WDR76: variants seen among roughly 807,000 people sequenced by gnomAD.
The protein encoded by WDR76 is WD repeat domain 76.
A neutral mutation model predicts 70.2 loss-of-function variants in WDR76; 52 were observed. The observed-to-expected ratio is 0.74, with a 90% CI of 0.59 to 0.93. WDR76 has a LOEUF of 0.93. Ranked by LOEUF, WDR76 falls within the 40% of genes least tolerant of loss-of-function variation. WDR76 has a pLI of 0.00. For missense variants in WDR76, 756 were observed against 760.2 expected (o/e 0.99, Z 0.07); for synonymous variants, 292 against 271.1 (o/e 1.08, Z -0.76).
chr15:43,829,212 C>A (rs1299766207), intron 2 of WDR76, among the ~76,000 whole-genome samples: 1 of 151,796 alleles, frequency 6.6e-6, no homozygotes, highest in Non-Finnish European at 1.5e-5. Context: ...GTCTGTAATT[C>A]TTTTGGCTTC....
intron 2 of WDR76, among the ~76,000 whole-genome samples, chr15:43,829,911 A>G (rs2087565855): frequency 1.3e-5 from 2 of 152,006 alleles, no homozygotes; most frequent in South Asian, 4.1e-4. Flanking sequence ...AATTACATGG[A>G]GAGTTTGTTA....
chr15:43,838,208 C>G (rs1267938247), intron 4 of WDR76, among the ~76,000 whole-genome samples: 2 of 147,036 alleles, frequency 1.4e-5, no homozygotes, highest in African/African-American at 5.0e-5. Context: ...TTTTTTGAGA[C>G]AGAGTCTTGC....
chr15:43,829,825 A>G (rs560180609), intron 2 of WDR76, among the ~76,000 whole-genome samples: 1 of 151,918 alleles, frequency 6.6e-6, no homozygotes, highest in African/African-American at 2.4e-5. Flanking sequence ...TACTTCTAAG[A>G]AACCTTGTTC....
At chr15:43,836,302 C>A in intron 4 of WDR76, 86 bp downstream of exon 4, 1 of 1,247,440 alleles carries the variant, frequency 8.0e-7, no homozygotes, top group Non-Finnish European at 1.1e-6. Flanking sequence ...GTGTGGTAAG[C>A]TTAACAGATC....
At chr15:43,831,444 A>C (rs1596065600) in intron 2 of WDR76, among the ~76,000 whole-genome samples, 1 of 149,688 alleles carries the variant, frequency 6.7e-6, no homozygotes, top group Non-Finnish European at 1.5e-5. Context: ...CAGCCAAGAT[A>C]CTTTTTTTTT....
rs2088090509 is a variant in WDR76, at chr15:43,867,611, A to G, written c.*1219A>G. 6.6e-6 allele frequency: 1 copy of G among 151,658 alleles called. No homozygotes were observed. Among genetic ancestry groups the G allele is most frequent in the African/African-American group, 2.4e-5 (1 of 41,310 alleles). 9.4% of individuals were successfully genotyped at this position (151,658 alleles called of 1,614,324 possible). ...TAGTACCATGGGTAATGGATAAAGA[A>G]GTTAAAGCTACTGCTTAGAATGAAG... is the stretch of plus-strand genomic sequence containing the variant. On this transcript the variant is annotated 3_prime_UTR_variant, in exon 13 of 13. Transcript: ENST00000263795.
In WDR76 at chr15:43,861,402, C is replaced by A. The variant is rs763460026; in HGVS notation, c.1616+16C>A. On this transcript the variant is annotated intron_variant, in intron 12 of 12. Coordinates refer to ENST00000263795, the MANE Select transcript of WDR76 (RefSeq NM_024908.4). ...CCACCATCAGGTAGGCTTCTATATG[C>A]CAAATAATGTAGATGTGGATTACTA... The A allele has an allele frequency of 1.2e-6, 2 of 1,605,028 alleles. No homozygotes were observed. The highest frequency in any genetic ancestry group is 4.5e-5 in the East Asian group (2 of 44,816).
At position 43,828,377 on chromosome 15, in the gene WDR76, A is replaced by G; in HGVS notation, c.462+11A>G. Reference sequence around the variant, plus strand: ...ACCACACCATCCCTGGTAAGAACTTAATTAGTAGCTTGTTCTGGTTTCTCT... The same window carrying G: ...ACCACACCATCCCTGGTAAGAACTTGATTAGTAGCTTGTTCTGGTTTCTCT... On this transcript the variant is annotated intron_variant, in intron 2 of 12. Coordinates refer to ENST00000263795, the MANE Select transcript of WDR76 (RefSeq NM_024908.4). 1 of 1,574,644 alleles carries G rather than the reference A, an allele frequency of 6.4e-7. No individual in the cohort carries two copies. The highest frequency in any genetic ancestry group is 8.6e-7 in the Non-Finnish European group (1 of 1,164,160).
chr15:43,829,867 A>C (rs1454583448), intron 2 of WDR76, among the ~76,000 whole-genome samples: 1 of 152,054 alleles, frequency 6.6e-6, no homozygotes, highest in African/African-American at 2.4e-5. Flanking sequence ...GGATTGGATA[A>C]AATCTGTGGT....
In WDR76 at chr15:43,827,040, G is replaced by A. The variant is rs778522225; in HGVS notation, c.8G>A (p.Arg3Lys). MS[R>K]SGAAAEKADS... ...CCGCTAAGAAGCCGAAAGATGTCCA[G>A]GTCGGGCGCGGCGGCTGAGAAGGCG... Residue 3 changes from arginine to lysine, a missense_variant, in exon 1 of 13, where the codon AGG becomes AAG. Coordinates refer to ENST00000263795, the MANE Select transcript of WDR76 (RefSeq NM_024908.4). 2.5e-6 allele frequency: 4 copies of A among 1,613,968 alleles called. No homozygotes were observed. Among genetic ancestry groups the A allele is most frequent in the Non-Finnish European group, 3.4e-6 (4 of 1,180,042 alleles).
intron 9 of WDR76, among the ~76,000 whole-genome samples, chr15:43,852,500 T>G (rs972135845): frequency 6.6e-6 from 1 of 152,094 alleles, no homozygotes; most frequent in Non-Finnish European, 1.5e-5. Flanking sequence ...GCCTCCTGAG[T>G]AGCTGGGACT....
intron 9 of WDR76, among the ~76,000 whole-genome samples, chr15:43,856,572 G>T (rs1178292404): frequency 6.6e-6 from 1 of 150,770 alleles, no homozygotes; most frequent in East Asian, 1.9e-4. Flanking sequence ...GCTGATCAGT[G>T]CCTTTGTTTC....
chr15:43,858,465 C>T lies in WDR76; in HGVS notation c.1410-206C>T, dbSNP rs577227449. On this transcript the variant is annotated intron_variant, in intron 10 of 12. Coordinates refer to ENST00000263795, the MANE Select transcript of WDR76 (RefSeq NM_024908.4). ...GGTTTCTCCATGTTGAGGCTGGTTTCGAACTCCTGATCTCAGATGATCCAC... is the reference window on the plus strand; with the variant it reads ...GGTTTCTCCATGTTGAGGCTGGTTTTGAACTCCTGATCTCAGATGATCCAC... 60 of 519,146 alleles carry T rather than the reference C, an allele frequency of 1.2e-4. 1 individual carries two copies. In the South Asian group the frequency reaches 1.3e-3, roughly 11 times the overall value. 32.2% of individuals were successfully genotyped at this position (519,146 alleles called of 1,614,324 possible).
At chr15:43,846,537 G>GC (rs2087790663) in intron 8 of WDR76, among the ~76,000 whole-genome samples, 1 of 146,026 alleles carries the variant, frequency 6.8e-6, no homozygotes, top group African/African-American at 2.4e-5. Flanking sequence ...ACCTGCTTCA[G>GC]CCTCCCAAAG....
At chr15:43,865,387 C>G (rs984800558) in intron 12 of WDR76, among the ~76,000 whole-genome samples, 6 of 152,258 alleles carry the variant, frequency 3.9e-5, no homozygotes, top group African/African-American at 1.4e-4. Flanking sequence ...ATTCTCCGGC[C>G]TCAGCCTCCC....
intron 1 of WDR76, 100 bp from the exon 2 acceptor site, chr15:43,827,865 C>A: frequency 7.7e-7 from 1 of 1,295,498 alleles, no homozygotes; most frequent in Non-Finnish European, 1.0e-6. Context: ...TTTATATTGT[C>A]TTTGGGAAAT....
At chr15:43,831,898 A>T (rs897711638) in intron 2 of WDR76, among the ~76,000 whole-genome samples, 2 of 149,506 alleles carry the variant, frequency 1.3e-5, no homozygotes, top group African/African-American at 4.9e-5. Context: ...TAGTGGTGCG[A>T]TCTCAGCTTA....
intron 4 of WDR76, 66 bp downstream of exon 4, chr15:43,836,282 A>T: frequency 6.6e-7 from 1 of 1,523,606 alleles, no homozygotes; most frequent in Non-Finnish European, 8.9e-7. Flanking sequence ...AATTTGAAAA[A>T]AATGGTTTGG....
intron 8 of WDR76, among the ~76,000 whole-genome samples, chr15:43,845,526 C>T (rs1170275989): frequency 6.7e-6 from 1 of 150,260 alleles, no homozygotes; most frequent in Non-Finnish European, 1.5e-5. Context: ...GAAGCTTGAT[C>T]TTGGTCTTCC....
Sources: allele counts gnomAD v4.1 joint callset (sites outside exome capture counted in the v4.1 genomes callset), GRCh38; gene constraint gnomAD v4.1.1; transcripts MANE v1.5; gene names NCBI Gene and HGNC (gene_info 2026-07-23, HGNC 2026-07-21).